PCDHGA2: variants seen among roughly 807,000 people sequenced by gnomAD.
PCDHGA2 encodes the protein protocadherin gamma subfamily A, 2.
Under a neutral mutation model 59.2 loss-of-function variants are expected in PCDHGA2, and 40 were observed. That is an observed-to-expected ratio of 0.68 (90% CI 0.52 to 0.88). The LOEUF (loss-of-function observed/expected upper bound fraction) is 0.88, where lower values mean the gene tolerates loss of function less well. Ranked by LOEUF, PCDHGA2 falls within the 40% of genes least tolerant of loss-of-function variation. PCDHGA2 has a pLI of 0.00. For missense variants in PCDHGA2, 1,226 were observed against 1,204.0 expected (o/e 1.02, Z -0.27); for synonymous variants, 560 against 526.0 (o/e 1.06, Z -0.89).
chr5:141,389,429 G>A (rs201662463), intron 1 of PCDHGA2: 149 of 1,610,654 alleles, frequency 9.3e-5, no homozygotes, highest in Non-Finnish European at 8.6e-5. Context: ...TGTTCGCGCA[G>A]CGCGCCTTCG....
In PCDHGA2 at chr5:141,476,141, G is replaced by A. The variant is rs1011341002; in HGVS notation, c.2425-18666G>A. On this transcript the variant is annotated intron_variant, in intron 1 of 3. Coordinates refer to ENST00000394576, the MANE Select transcript of PCDHGA2 (RefSeq NM_018915.4). This position sits in a 1 kb window ranked among gnomAD's most constrained non-coding sequence, Gnocchi z 7.6. ...GATGGTCCCAGAGGCCTGGAGGAGCGGACTGGTAAGCACCGGGAGGGTAGT... is the reference window on the plus strand; with the variant it reads ...GATGGTCCCAGAGGCCTGGAGGAGCAGACTGGTAAGCACCGGGAGGGTAGT... 5.6e-6 allele frequency: 9 copies of A among 1,609,928 alleles called. No homozygotes were observed. Among genetic ancestry groups the A allele is most frequent in the Non-Finnish European group, 7.6e-6 (9 of 1,178,880 alleles).
chr5:141,390,396 T>G, intron 1 of PCDHGA2: 2 of 1,374,352 alleles, frequency 1.5e-6, no homozygotes, highest in Admixed American at 2.2e-5. Context: ...ATGGATCATT[T>G]TAGGAAAGTT....
rs371130763 is a variant in PCDHGA2 at position 141,432,970 on chromosome 5, G to A, written c.2425-61837G>A. The A allele has an allele frequency of 5.0e-6, 8 of 1,613,996 alleles. No homozygotes were observed. Among genetic ancestry groups the A allele is most frequent in the East Asian group, 4.5e-5 (2 of 44,868 alleles). ...GAGGCGGCTTGACAGGAGCGCCGGC[G>A]TCGCACTTTGTGGGCGTGGACGGGG... On this transcript the variant is annotated intron_variant, in intron 1 of 3. Transcript: ENST00000394576. The surrounding 1 kb of genome is among the most constrained non-coding windows in gnomAD (Gnocchi z 6.0).
At chr5:141,459,499 G>A (rs2098968854) in intron 1 of PCDHGA2, among the ~76,000 whole-genome samples, 1 of 152,172 alleles carries the variant, frequency 6.6e-6, no homozygotes, top group Non-Finnish European at 1.5e-5. Context: ...TTAAAGTGAT[G>A]TGAACAATCA....
chr5:141,478,839 T>G, intron 1 of PCDHGA2: 6 of 1,423,322 alleles, frequency 4.2e-6, no homozygotes, highest in Non-Finnish European at 5.5e-6. Flanking sequence ...AAGGGATGGT[T>G]AAGCTAAAAC....
intron 1 of PCDHGA2, chr5:141,412,979 C>A: frequency 1.8e-6 from 1 of 542,930 alleles, no homozygotes; most frequent in Non-Finnish European, 3.2e-6. Flanking sequence ...AAAACGCAGC[C>A]AGAGCTCAAT....
intron 1 of PCDHGA2, among the ~76,000 whole-genome samples, chr5:141,407,771 A>G (rs1414886829): frequency 6.6e-6 from 1 of 152,246 alleles, no homozygotes; most frequent in East Asian, 1.9e-4. Context: ...GAAATTGTGC[A>G]TAATAGATTT....
At chr5:141,416,530 G>A (rs976560428) in intron 1 of PCDHGA2, 2 of 152,160 alleles carry the variant, frequency 1.3e-5, no homozygotes, top group Non-Finnish European at 2.9e-5. Flanking sequence ...GCTCTTTAAT[G>A]TATAAGGAGG....
At chr5:141,413,661 T>G (rs2095664313) in intron 1 of PCDHGA2, 1 of 1,613,886 alleles carries the variant, frequency 6.2e-7, no homozygotes. Flanking sequence ...CGGAAGCTAT[T>G]GATCCGGATG....
rs911954966 is a variant in PCDHGA2, at chr5:141,491,081, C to G, written c.2425-3726C>G. On this transcript the variant is annotated intron_variant, in intron 1 of 3. Coordinates refer to ENST00000394576, the MANE Select transcript of PCDHGA2 (RefSeq NM_018915.4). This position sits in a 1 kb window ranked among gnomAD's most constrained non-coding sequence, Gnocchi z 6.9. ...TCCTACTCACTGTTGCCACAGTCCACAGCCCCAGGACTGTTCCTCGTGTCT... is the reference window on the plus strand; with the variant it reads ...TCCTACTCACTGTTGCCACAGTCCAGAGCCCCAGGACTGTTCCTCGTGTCT... The G allele has an allele frequency of 4.3e-6, 7 of 1,614,176 alleles. No individual in the cohort carries two copies. Among genetic ancestry groups the G allele is most frequent in the Non-Finnish European group, 5.9e-6 (7 of 1,180,010 alleles).
At chr5:141,392,593 C>G (rs986653235) in intron 1 of PCDHGA2, 2 of 494,194 alleles carry the variant, frequency 4.0e-6, no homozygotes, top group Non-Finnish European at 7.1e-6. Context: ...CCGCTGTTCA[C>G]CTACTGGAAG....
At chr5:141,343,849 A>G (rs928968818) in intron 1 of PCDHGA2, 18 of 528,246 alleles carry the variant, frequency 3.4e-5, no homozygotes, top group South Asian at 1.1e-4. Context: ...TGCTCCTAAA[A>G]TGCAAAGAAC....
At chr5:141,433,004 T>G (rs368646186) in intron 1 of PCDHGA2, 48 of 1,614,028 alleles carry the variant, frequency 3.0e-5, no homozygotes, top group Non-Finnish European at 3.4e-5. Context: ...GGTGCAGGCT[T>G]TCCTGCAGAC....
At chr5:141,415,490 T>C in intron 1 of PCDHGA2, 2 of 1,614,228 alleles carry the variant, frequency 1.2e-6, no homozygotes, top group Admixed American at 3.3e-5. Flanking sequence ...AAGAGTCACC[T>C]GATCTTCCCC....
rs142172414 is a variant in PCDHGA2, at chr5:141,477,145, G to A, written c.2425-17662G>A. On this transcript the variant is annotated intron_variant, in intron 1 of 3. Coordinates refer to ENST00000394576, the MANE Select transcript of PCDHGA2 (RefSeq NM_018915.4). The surrounding 1 kb of genome is among the most constrained non-coding windows in gnomAD (Gnocchi z 4.9). ...ATTGCAAAGTGTTGGTGGAGGTTGT[G>A]GATGTGAATGACAACGCCCCGGAGA... The A allele has an allele frequency of 3.7e-6, 6 of 1,614,054 alleles. No homozygotes were observed. The African/African-American group carries it at 8.0e-5, about 22-fold the overall frequency.
intron 1 of PCDHGA2, among the ~76,000 whole-genome samples, chr5:141,381,472 A>G (rs1777217104): frequency 6.6e-6 from 1 of 152,246 alleles, no homozygotes; most frequent in Non-Finnish European, 1.5e-5. Context: ...AATGCTGTCT[A>G]GAGATCCCTG....
At position 141,346,986 on chromosome 5, in the gene PCDHGA2, CT is replaced by C. The variant is rs1390354893; in HGVS notation, c.2424+5598del. On this transcript the variant is annotated intron_variant, in intron 1 of 3. Coordinates refer to ENST00000394576, the MANE Select transcript of PCDHGA2 (RefSeq NM_018915.4). ...GACTCCTTCCAAGACAGGTGACACTCTTTTTTTCTTTCTCCTTCCTTCCTTC... is the reference window on the plus strand; with the variant it reads ...GACTCCTTCCAAGACAGGTGACACTCTTTTTTCTTTCTCCTTCCTTCCTTC... 4.6e-5 allele frequency among the ~76,000 whole-genome samples: 7 copies of C among 152,098 alleles called. No individual in the cohort carries two copies. In the Middle Eastern group the frequency reaches 0.01, roughly 222 times the overall value.
rs766835008 is a variant in PCDHGA2, at chr5:141,370,979, A to G, written c.2424+29584A>G. The G allele has an allele frequency of 3.7e-6, 6 of 1,613,990 alleles. 1 individual carries two copies. In the Admixed American group the frequency reaches 6.7e-5, roughly 18 times the overall value. On this transcript the variant is annotated intron_variant, in intron 1 of 3. Coordinates refer to ENST00000394576, the MANE Select transcript of PCDHGA2 (RefSeq NM_018915.4). ...ATGGCAGTAGGTACCCAGAGCTAGT[A>G]CTGAAAGCACCCCTGGACAGGGAAG...
In PCDHGA2 at chr5:141,415,292, G is replaced by T. The variant is rs778092218; in HGVS notation, c.2424+73897G>T. The T allele has an allele frequency of 1.7e-5, 28 of 1,614,082 alleles. No individual in the cohort carries two copies. Among genetic ancestry groups the T allele is most frequent in the Non-Finnish European group, 2.3e-5 (27 of 1,180,046 alleles). Reference sequence around the variant, plus strand: ...GTGGTAGCGGTGGCCGCGGTCTCCTGCGTCTTCCTGGCCTTCGTCATCGTG... The same window carrying T: ...GTGGTAGCGGTGGCCGCGGTCTCCTTCGTCTTCCTGGCCTTCGTCATCGTG... On this transcript the variant is annotated intron_variant, in intron 1 of 3. Coordinates refer to ENST00000394576, the MANE Select transcript of PCDHGA2 (RefSeq NM_018915.4).
Sources: allele counts gnomAD v4.1 joint callset (sites outside exome capture counted in the v4.1 genomes callset), GRCh38; gene constraint gnomAD v4.1.1; non-coding constraint Gnocchi (gnomAD v3.1); transcripts MANE v1.5; gene names NCBI Gene and HGNC (gene_info 2026-07-23, HGNC 2026-07-21).